The following FLT1 variants were observed in gnomAD, a reference collection of about 807,000 sequenced individuals.
The protein encoded by FLT1 is fms related receptor tyrosine kinase 1.
Under a neutral mutation model 156.3 loss-of-function variants are expected in FLT1, and 49 were observed. The observed-to-expected ratio is 0.31, with a 90% confidence interval of 0.25 to 0.40. The LOEUF (loss-of-function observed/expected upper bound fraction) is 0.40. FLT1 is among the 10% of genes least tolerant of loss of function. The pLI, the probability that FLT1 is intolerant of heterozygous loss-of-function variation, is 1.00. For missense variants in FLT1, 1,322 were observed against 1,637.2 expected (o/e 0.81, Z 3.32); for synonymous variants, 594 against 583.8 (o/e 1.02, Z -0.25).
At chr13:28,315,160 T>C (rs1219499249) in intron 25 of FLT1, among the ~76,000 whole-genome samples, 2 of 152,224 alleles carry the variant, frequency 1.3e-5, no homozygotes, top group Admixed American at 6.5e-5. Context: ...TCCTACTTTA[T>C]AGGACTGTTA....
chr13:28,464,190 T>G (rs761195133), intron 3 of FLT1, among the ~76,000 whole-genome samples: 24 of 152,234 alleles, frequency 1.6e-4, no homozygotes, highest in Admixed American at 3.9e-4. Flanking sequence ...ATGTGTGTAT[T>G]CCATAATAAT....
chr13:28,480,297 G>A (rs1039367701), intron 1 of FLT1, among the ~76,000 whole-genome samples: 1 of 151,888 alleles, frequency 6.6e-6, no homozygotes, highest in African/African-American at 2.4e-5. Context: ...AACGTATACC[G>A]ATAGAGATAC....
At chr13:28,362,661 C>G (rs914952329) in intron 14 of FLT1, among the ~76,000 whole-genome samples, 1 of 151,998 alleles carries the variant, frequency 6.6e-6, no homozygotes, top group Admixed American at 6.6e-5. Context: ...TCCACTAAAA[C>G]TTGGAAAAAA....
At chr13:28,457,900 C>G (rs938208184) in intron 3 of FLT1, among the ~76,000 whole-genome samples, 2 of 134,380 alleles carry the variant, frequency 1.5e-5, no homozygotes, top group African/African-American at 5.7e-5. Flanking sequence ...TCATTGCCAT[C>G]TTTAGATTTC....
chr13:28,322,908 C>T lies in FLT1; in HGVS notation c.2835G>A (p.Met945Ile), dbSNP rs2138832280. 2.5e-6 allele frequency: 4 copies of T among 1,614,128 alleles called. No homozygotes were observed. Among genetic ancestry groups the T allele is most frequent in the Non-Finnish European group, 3.4e-6 (4 of 1,180,032 alleles). Residue 945 changes from methionine to isoleucine, a missense_variant, in exon 21 of 30, where the codon ATG (methionine) becomes ATA (isoleucine). Physicochemically the swap from Met to Ile is conservative, Grantham distance 10 (BLOSUM62 1). Transcript: ENST00000282397. The surrounding 1 kb of genome is among the most constrained non-coding windows in gnomAD (Gnocchi z 4.3). ...ALHMEPKKEKMEPGLEQGKKP... is the reference protein window; with the variant it reads ...ALHMEPKKEKIEPGLEQGKKP... Reference sequence around the variant, plus strand: ...TCTTGCCTTGTTCCAGGCCTGGCTCCATTTTTTCTTTCTTAGGCTCCATGT... The same window carrying T: ...TCTTGCCTTGTTCCAGGCCTGGCTCTATTTTTTCTTTCTTAGGCTCCATGT...
intron 17 of FLT1, among the ~76,000 whole-genome samples, chr13:28,338,558 T>G (rs1872206798): frequency 6.6e-6 from 1 of 152,180 alleles, no homozygotes. Flanking sequence ...AAAACAACAG[T>G]CTTTGCTTTT....
In FLT1 at chr13:28,401,366, C is replaced by T. The variant is rs527714740; in HGVS notation, c.1552-4298G>A. On this transcript the variant is annotated intron_variant, in intron 11 of 29. Coordinates refer to ENST00000282397, the MANE Select transcript of FLT1 (RefSeq NM_002019.4). Reference sequence around the variant, plus strand: ...GAGACAGATCCTTCAAGCCCATTCTCTAGGCTCTTTGGTATGACCCAGGAA... The same window carrying T: ...GAGACAGATCCTTCAAGCCCATTCTTTAGGCTCTTTGGTATGACCCAGGAA... 9.2e-5 allele frequency among the ~76,000 whole-genome samples: 14 copies of T among 152,300 alleles called. No individual in the cohort carries two copies. The East Asian group carries it at 1.2e-3, about 13-fold the overall frequency.
intron 14 of FLT1, 134 bp from the exon 15 acceptor site, chr13:28,357,819 G>T: frequency 2.7e-6 from 2 of 748,560 alleles, no homozygotes; most frequent in South Asian, 1.6e-5. Context: ...CTGGGGCAGG[G>T]TTGCTTATTT....
At chr13:28,488,480 A>AAAAT (rs1555247369) in intron 1 of FLT1, among the ~76,000 whole-genome samples, 1 of 151,298 alleles carries the variant, frequency 6.6e-6, no homozygotes, top group Non-Finnish European at 1.5e-5. Context: ...TTTTAATGAA[A>AAAAT]AAACAAACAA....
At chr13:28,486,021 A>G (rs1406893127) in intron 1 of FLT1, among the ~76,000 whole-genome samples, 1 of 152,244 alleles carries the variant, frequency 6.6e-6, no homozygotes, top group Non-Finnish European at 1.5e-5. Context: ...GTTTTGGCAC[A>G]TCTCGTTATG....
intron 29 of FLT1, among the ~76,000 whole-genome samples, chr13:28,305,999 A>G (rs1870730118): frequency 6.6e-6 from 1 of 152,188 alleles, no homozygotes; most frequent in Non-Finnish European, 1.5e-5. Context: ...TGAGACAGGG[A>G]CAGGCATTTG....
At chr13:28,365,315 T>C (rs1426534180) in intron 14 of FLT1, among the ~76,000 whole-genome samples, 1 of 152,190 alleles carries the variant, frequency 6.6e-6, no homozygotes, top group African/African-American at 2.4e-5. Context: ...AATTTTCTCT[T>C]TCCTTTTTGG....
intron 17 of FLT1, among the ~76,000 whole-genome samples, chr13:28,338,569 C>G (rs1177102271): frequency 6.6e-6 from 1 of 152,166 alleles, no homozygotes; most frequent in East Asian, 1.9e-4. Flanking sequence ...CTTTGCTTTT[C>G]AAAAGTGAAA....
intron 1 of FLT1, among the ~76,000 whole-genome samples, chr13:28,493,883 T>C (rs557035853): frequency 5.3e-5 from 8 of 152,354 alleles, no homozygotes; most frequent in African/African-American, 1.9e-4. Flanking sequence ...CATCGATTCC[T>C]CAAACCACAT....
chr13:28,490,220 G>C (rs147244241), intron 1 of FLT1, among the ~76,000 whole-genome samples: 2 of 152,178 alleles, frequency 1.3e-5, no homozygotes, highest in Non-Finnish European at 2.9e-5. Flanking sequence ...ACGTGTGTGT[G>C]TATCTGTGAG....
At chr13:28,323,525 C>T (rs1871558394) in intron 20 of FLT1, among the ~76,000 whole-genome samples, 1 of 151,936 alleles carries the variant, frequency 6.6e-6, no homozygotes, top group Admixed American at 6.6e-5. Context: ...GTGGTGCATG[C>T]CTGTAATCCC....
chr13:28,436,610 G>A (rs148134931), intron 4 of FLT1, among the ~76,000 whole-genome samples: 25 of 151,918 alleles, frequency 1.6e-4, no homozygotes, highest in African/African-American at 5.3e-4. Context: ...GAAAGAGAAC[G>A]TTTCCCTCTC....
In FLT1 at chr13:28,301,478, C is replaced by G. The variant is rs1459909427; in HGVS notation, c.*1689G>C. The stretch of plus-strand genomic sequence containing the variant: ...CGGTCCCATCTCTTCATACAGAGAG[C>G]CTTTAAACAAGGATGTGGCACATAA... On this transcript the variant is annotated 3_prime_UTR_variant, in exon 30 of 30. Transcript: ENST00000282397. The G allele has an allele frequency of 2.1e-5, 5 of 232,794 alleles. No homozygotes were observed. The highest frequency in any genetic ancestry group is 3.6e-4 in the South Asian group (2 of 5,522). The allele number at this position is 232,794 out of a possible 1,614,324, so 14.4% of individuals were successfully genotyped here. A position where few individuals can be genotyped will look rare whatever the true frequency, so the allele number is the denominator to read the frequency against.
intron 10 of FLT1, among the ~76,000 whole-genome samples, chr13:28,420,196 A>G (rs1165387343): frequency 6.6e-6 from 1 of 152,244 alleles, no homozygotes; most frequent in Admixed American, 6.5e-5. Flanking sequence ...CAGTAATTAT[A>G]TAACAGAATG....
Sources: gnomAD v4.1 joint callset for allele counts (sites outside exome capture counted in the v4.1 genomes callset) on GRCh38, gnomAD v4.1.1 for gene constraint, Gnocchi (gnomAD v3.1) non-coding constraint, MANE v1.5 for transcripts, NCBI Gene and HGNC (gene_info 2026-07-23, HGNC 2026-07-21) for gene names.